The following NAA11 variants were observed in gnomAD, a reference collection of about 807,000 sequenced individuals.
The protein encoded by NAA11 is N-alpha-acetyltransferase 11, NatA catalytic subunit, also known as N-alpha-acetyltransferase 11.
Under a neutral mutation model 16.1 loss-of-function variants are expected in NAA11, and 15 were observed. The observed-to-expected ratio is 0.93, with a 90% CI of 0.62 to 1.44. NAA11 has a LOEUF of 1.44. Among genes scored for constraint, NAA11 ranks in the 40% most tolerant of loss-of-function variants. The pLI, the probability that NAA11 is intolerant of heterozygous loss-of-function variation, is 0.00. For synonymous variants in NAA11, 122 were observed against 112.4 expected, an observed-to-expected ratio of 1.09 and a Z score of -0.54; for missense variants, 298 against 291.3, an observed-to-expected ratio of 1.02 and a Z score of -0.17.
At chr4:79,312,677 TG>T (rs1723812628), downstream of NAA11, among the ~76,000 whole-genome samples, 1 of 142,294 alleles carries the variant, frequency 7.0e-6, no homozygotes, top group African/African-American at 2.7e-5. Context: ...AAAAAAGAGT[TG>T]GGGTCTTGCT....
the NAA11 span, among the ~76,000 whole-genome samples, chr4:79,209,288 G>T: frequency 6.6e-6 from 1 of 152,168 alleles, no homozygotes; most frequent in Non-Finnish European, 1.5e-5. Flanking sequence ...TTAGTGAGAT[G>T]AATAATTGAA....
intron 1 of NAA11, among the ~76,000 whole-genome samples, chr4:79,324,437 G>A (rs981001425): frequency 1.3e-5 from 2 of 152,126 alleles, no homozygotes; most frequent in African/African-American, 4.8e-5. Context: ...TATCTGTAAA[G>A]TTTAACAGAA....
chr4:79,188,315 G>C, the NAA11 span, among the ~76,000 whole-genome samples: 1 of 152,088 alleles, frequency 6.6e-6, no homozygotes, highest in African/African-American at 2.4e-5. Flanking sequence ...GCCGGGCGCG[G>C]TGGCTCACGC....
At chr4:79,173,088 G>A in the NAA11 span, among the ~76,000 whole-genome samples, 1 of 152,140 alleles carries the variant, frequency 6.6e-6, no homozygotes, top group Non-Finnish European at 1.5e-5. Flanking sequence ...ATATACTTTC[G>A]TGGGTAGAAC....
chr4:79,155,854 G>T, the NAA11 span, among the ~76,000 whole-genome samples: 5 of 152,340 alleles, frequency 3.3e-5, no homozygotes, highest in South Asian at 1.0e-3. Flanking sequence ...TTTCAGGTGT[G>T]CTGGGTAGGT....
intron 2 of NAA11, among the ~76,000 whole-genome samples, chr4:79,281,014 A>G (rs1212649758): frequency 1.3e-5 from 2 of 152,024 alleles, no homozygotes; most frequent in Non-Finnish European, 2.9e-5. Flanking sequence ...CTGAACAGGC[A>G]AAGAAACAAC....
the NAA11 span, among the ~76,000 whole-genome samples, chr4:79,218,372 T>C: frequency 6.6e-6 from 1 of 152,088 alleles, no homozygotes. Flanking sequence ...AAAAACAATT[T>C]AGACAACATA....
intron 2 of NAA11, among the ~76,000 whole-genome samples, chr4:79,288,603 GAATA>G (rs765056977): frequency 6.6e-6 from 1 of 152,116 alleles, no homozygotes; most frequent in African/African-American, 2.4e-5. Flanking sequence ...GAGAAAATAT[GAATA>G]AATACGTGTG....
chr4:79,315,912 T>C (rs757325588), downstream of NAA11, among the ~76,000 whole-genome samples: 15 of 152,216 alleles, frequency 9.9e-5, no homozygotes, highest in Non-Finnish European at 1.5e-4. Flanking sequence ...ATAATTCTGC[T>C]TTCTCCTGGT....
the NAA11 span, among the ~76,000 whole-genome samples, chr4:79,169,387 G>A: frequency 2.6e-5 from 4 of 152,138 alleles, no homozygotes; most frequent in African/African-American, 9.7e-5. Context: ...AAAACAGCAT[G>A]GTACTGGTAC....
At chr4:79,235,925 T>C (rs1485873484) in intron 2 of NAA11, among the ~76,000 whole-genome samples, 1 of 151,680 alleles carries the variant, frequency 6.6e-6, no homozygotes. Context: ...GATAGATAGA[T>C]CATAGTTCCA....
At chr4:79,314,391 T>G (rs1368918756), downstream of NAA11, among the ~76,000 whole-genome samples, 1 of 152,106 alleles carries the variant, frequency 6.6e-6, no homozygotes, top group Non-Finnish European at 1.5e-5. Flanking sequence ...CGCCTTGTAC[T>G]GATCAGTGAT....
chr4:79,220,670 G>C, the NAA11 span, among the ~76,000 whole-genome samples: 1 of 151,792 alleles, frequency 6.6e-6, no homozygotes, highest in Non-Finnish European at 1.5e-5. Flanking sequence ...CACCAATATT[G>C]TATCTAAATC....
chr4:79,243,299 A>C (rs1721734990), intron 2 of NAA11, among the ~76,000 whole-genome samples: 2 of 152,228 alleles, frequency 1.3e-5, no homozygotes. Flanking sequence ...TATTTTAAAA[A>C]ATGAAGATGA....
chr4:79,321,265 G>A (rs1724080751), intron 1 of NAA11, among the ~76,000 whole-genome samples: 1 of 152,190 alleles, frequency 6.6e-6, no homozygotes, highest in African/African-American at 2.4e-5. Context: ...AGCACCACTA[G>A]GATGTTTCCT....
At chr4:79,195,725 A>T in the NAA11 span, 1 of 151,978 alleles carries the variant, frequency 6.6e-6, no homozygotes, top group Admixed American at 6.6e-5. Flanking sequence ...GACCAGTGGG[A>T]GGTAATTGAA....
At chr4:79,237,471 A>G (rs781722910) in intron 2 of NAA11, among the ~76,000 whole-genome samples, 16 of 152,142 alleles carry the variant, frequency 1.1e-4, no homozygotes, top group Non-Finnish European at 1.9e-4. Context: ...TTTAAATTCT[A>G]TTTTTATAAA....
chr4:79,228,570 T>C (rs1006169900), intron 2 of NAA11, among the ~76,000 whole-genome samples: 2 of 111,918 alleles, frequency 1.8e-5, no homozygotes, highest in African/African-American at 5.4e-5. Flanking sequence ...ATATTGTATG[T>C]AGCTTTTTGT....
chr4:79,264,703 T>C (rs890550861), intron 2 of NAA11, among the ~76,000 whole-genome samples: 2 of 152,184 alleles, frequency 1.3e-5, no homozygotes, highest in Non-Finnish European at 2.9e-5. Flanking sequence ...TGCTCTTTTT[T>C]TGTTTTCCTT....
Sources: allele counts gnomAD v4.1 joint callset (sites outside exome capture counted in the v4.1 genomes callset), GRCh38; gene constraint gnomAD v4.1.1; transcripts MANE v1.5; gene names NCBI Gene and HGNC (gene_info 2026-07-23, HGNC 2026-07-21).